CDH2: variants seen among roughly 807,000 people sequenced by gnomAD.
CDH2 encodes cadherin 2.
In CDH2, 17 loss-of-function variants were observed where a neutral mutation model predicts 92.0. That is an observed-to-expected ratio of 0.18 (90% CI 0.13 to 0.28). The LOEUF (loss-of-function observed/expected upper bound fraction) is 0.28. Ranked by LOEUF, CDH2 falls within the 10% of genes least tolerant of loss-of-function variation. CDH2 has a pLI of 1.00. For missense variants in CDH2, 862 were observed against 1,133.1 expected, an observed-to-expected ratio of 0.76 and a Z score of 3.44; for synonymous variants, 419 against 415.9, an observed-to-expected ratio of 1.01 and a Z score of -0.09.
intron 6 of CDH2, among the ~76,000 whole-genome samples, chr18:27,936,270 A>G (rs901939205): frequency 6.6e-6 from 1 of 152,216 alleles, no homozygotes; most frequent in Non-Finnish European, 1.5e-5. Context: ...TAAATTAAAT[A>G]GACAAGCAGA....
chr18:27,996,841 A>G (rs1436316165), intron 7 of CDH2, among the ~76,000 whole-genome samples: 1 of 152,182 alleles, frequency 6.6e-6, no homozygotes, highest in Non-Finnish European at 1.5e-5. Flanking sequence ...GTAAAGAAAA[A>G]GCCATCTTCT....
chr18:27,989,731 C>T (rs1306016062), intron 10 of CDH2, among the ~76,000 whole-genome samples: 1 of 152,078 alleles, frequency 6.6e-6, no homozygotes, highest in Non-Finnish European at 1.5e-5. Flanking sequence ...CTTCATGATG[C>T]ATGGAGGAGA....
intron 1 of CDH2, among the ~76,000 whole-genome samples, chr18:28,155,228 T>C (rs1326474280): frequency 6.6e-6 from 1 of 152,138 alleles, no homozygotes; most frequent in East Asian, 1.9e-4. Flanking sequence ...TGTGTGACCT[T>C]GGCAAGCCAT....
chr18:28,150,411 G>A (rs1339723177), intron 1 of CDH2, among the ~76,000 whole-genome samples: 2 of 152,194 alleles, frequency 1.3e-5, no homozygotes, highest in Non-Finnish European at 2.9e-5. Context: ...TTTCCCAGTG[G>A]ATCTGCCCTA....
chr18:28,068,550 TACAGCTTA>T (rs2014554634), intron 2 of CDH2, among the ~76,000 whole-genome samples: 1 of 152,198 alleles, frequency 6.6e-6, no homozygotes, highest in African/African-American at 2.4e-5. Context: ...AATTTACTCA[TACAGCTTA>T]TAATGCAGAT....
intron 1 of CDH2, among the ~76,000 whole-genome samples, chr18:28,165,445 G>C (rs1213320817): frequency 6.6e-6 from 1 of 152,176 alleles, no homozygotes; most frequent in African/African-American, 2.4e-5. Context: ...TCTGGCCTCA[G>C]CCTCCCAAAG....
In CDH2 at chr18:27,990,251, C is replaced by A. The variant is rs2143968559; in HGVS notation, c.1444G>T (p.Ala482Ser). ...KGIQHPPQST[A>S]TVSVTVIDVN... ...TCAATAACTGTAACAGACACGGTTG[C>A]AGTTGACTGAGGGGGGTGCTGAATT... The change falls in exon 10 of 16, where the codon GCA (alanine) becomes TCA (serine). Residue 482 changes from alanine to serine, a missense_variant. Coordinates refer to ENST00000269141, the MANE Select transcript of CDH2 (RefSeq NM_001792.5). 6.2e-7 allele frequency: 1 copy of A among 1,614,134 alleles called. No individual in the cohort carries two copies. Among genetic ancestry groups the A allele is most frequent in the Non-Finnish European group, 8.5e-7 (1 of 1,179,986 alleles).
chr18:27,986,743 T>C (rs894238758), intron 11 of CDH2, among the ~76,000 whole-genome samples: 1 of 152,116 alleles, frequency 6.6e-6, no homozygotes, highest in African/African-American at 2.4e-5. Context: ...AATATGATGG[T>C]TCTAAGAGCA....
intron 2 of CDH2, among the ~76,000 whole-genome samples, chr18:28,092,556 A>C (rs965195837): frequency 1.3e-5 from 2 of 152,006 alleles, no homozygotes; most frequent in African/African-American, 2.4e-5. Flanking sequence ...GAAAAAAAAA[A>C]CAAAAGGATG....
intron 7 of CDH2, among the ~76,000 whole-genome samples, chr18:28,000,740 A>G (rs1223788804): frequency 6.6e-6 from 1 of 152,184 alleles, no homozygotes; most frequent in Admixed American, 6.5e-5. Flanking sequence ...AATTAAAACT[A>G]AATTTTTAAA....
At position 27,993,977 on chromosome 18, in the gene CDH2, C is replaced by T. The variant is rs764409815; in HGVS notation, c.1021-340G>A. Among the ~76,000 whole-genome samples, 77 of 152,142 alleles carry T rather than the reference C, an allele frequency of 5.1e-4. 1 individual carries two copies. The highest frequency in any genetic ancestry group is 1.2e-4 in the African/African-American group (5 of 41,436). ...GATCAAGCATTCAAGTCATTTGGTT[C>T]GTATTTACTTTCTTCTATGTTAATT... On this transcript the variant is annotated intron_variant, in intron 7 of 15. Transcript: ENST00000269141.
chr18:28,095,448 G>GA (rs550189348), intron 2 of CDH2, among the ~76,000 whole-genome samples: 16 of 150,014 alleles, frequency 1.1e-4, no homozygotes, highest in Middle Eastern at 3.4e-3. Flanking sequence ...ATAAAAAGTT[G>GA]AAAAAAAAAG....
intron 7 of CDH2, among the ~76,000 whole-genome samples, chr18:28,000,805 T>G (rs2144002922): frequency 1.3e-5 from 2 of 152,240 alleles, no homozygotes; most frequent in Middle Eastern, 6.8e-3. Context: ...TTTCAATGAT[T>G]AGGAGTTCAA....
intron 7 of CDH2, among the ~76,000 whole-genome samples, chr18:27,995,214 T>C (rs1440255885): frequency 6.9e-6 from 1 of 145,818 alleles, no homozygotes; most frequent in Non-Finnish European, 1.5e-5. Context: ...CTCGGGAGGC[T>C]GAGGCAGGAA....
chr18:28,071,232 TTCTC>T (rs1285669388), intron 2 of CDH2, among the ~76,000 whole-genome samples: 1 of 152,102 alleles, frequency 6.6e-6, no homozygotes, highest in Non-Finnish European at 1.5e-5. Flanking sequence ...CTCCCTCCCT[TTCTC>T]TCTCTCTTTT....
downstream of CDH2, among the ~76,000 whole-genome samples, chr18:27,948,385 T>C (rs1048991098): frequency 6.6e-6 from 1 of 151,932 alleles, no homozygotes; most frequent in African/African-American, 2.4e-5. Context: ...TCACACAAAA[T>C]CATTTCTAGG....
At chr18:28,057,619 A>G (rs1039059339) in intron 2 of CDH2, among the ~76,000 whole-genome samples, 1 of 151,894 alleles carries the variant, frequency 6.6e-6, no homozygotes, top group African/African-American at 2.4e-5. Flanking sequence ...GTGAGCCAAG[A>G]TCATGCTGCC....
intron 15 of CDH2, among the ~76,000 whole-genome samples, chr18:27,961,191 T>C (rs1228528427): frequency 6.6e-6 from 1 of 151,716 alleles, no homozygotes; most frequent in Non-Finnish European, 1.5e-5. Context: ...TGGTGCCCAA[T>C]AGCATCATGC....
chr18:27,965,561 T>C (rs572520570), intron 14 of CDH2, among the ~76,000 whole-genome samples: 10 of 152,212 alleles, frequency 6.6e-5, no homozygotes, highest in East Asian at 1.9e-4. Flanking sequence ...AAATCATCCA[T>C]ACAAAACTTG....
Sources: allele counts gnomAD v4.1 joint callset (sites outside exome capture counted in the v4.1 genomes callset), GRCh38; gene constraint gnomAD v4.1.1; transcripts MANE v1.5; gene names NCBI Gene and HGNC (gene_info 2026-07-23, HGNC 2026-07-21).